The following ANO10 variants were observed in gnomAD, a reference collection of about 807,000 sequenced individuals.
ANO10 encodes the protein anoctamin-10.
ANO10 carries 77 observed loss-of-function variants against 74.7 expected under a neutral mutation model. The ratio of observed to expected loss-of-function variants is 1.03; its 90% CI spans 0.86 to 1.25. The LOEUF (loss-of-function observed/expected upper bound fraction) is 1.25, where lower values mean the gene tolerates loss of function less well. Ranked by LOEUF, ANO10 falls within the 50% of genes most tolerant of loss-of-function variation. ANO10 has a pLI of 0.00. For missense variants in ANO10, 721 were observed against 778.1 expected, an observed-to-expected ratio of 0.93 and a Z score of 0.87; for synonymous variants, 279 against 284.9, an observed-to-expected ratio of 0.98 and a Z score of 0.21.
intron 11 of ANO10, among the ~76,000 whole-genome samples, chr3:43,461,776 A>C (rs2075389058): frequency 6.6e-6 from 1 of 152,204 alleles, no homozygotes; most frequent in Non-Finnish European, 1.5e-5. Context: ...TGTCTTTATC[A>C]ACAGCATGAA....
At chr3:43,428,204 C>T (rs1254005443) in intron 12 of ANO10, among the ~76,000 whole-genome samples, 1 of 151,960 alleles carries the variant, frequency 6.6e-6, no homozygotes, top group Non-Finnish European at 1.5e-5. Context: ...TGTGTGCCAC[C>T]ATACCCAGCT....
intron 12 of ANO10, among the ~76,000 whole-genome samples, chr3:43,378,588 C>T (rs1256877644): frequency 2.6e-5 from 4 of 152,092 alleles, no homozygotes; most frequent in Non-Finnish European, 5.9e-5. Flanking sequence ...ATGAGTAAAA[C>T]AAAATTGATA....
At chr3:43,421,491 C>T (rs2092819181) in intron 12 of ANO10, among the ~76,000 whole-genome samples, 4 of 151,992 alleles carry the variant, frequency 2.6e-5, no homozygotes, top group Admixed American at 6.6e-5. Flanking sequence ...CACTGCATTC[C>T]AGCCTGGGTG....
At chr3:43,399,025 G>A (rs1440342489) in intron 12 of ANO10, among the ~76,000 whole-genome samples, 3 of 152,020 alleles carry the variant, frequency 2.0e-5, no homozygotes, top group African/African-American at 7.2e-5. Flanking sequence ...ATGGGGTTTC[G>A]CCATGTTGCC....
Position 43,667,945 on chromosome 3 carries a change from G to A in ANO10, c.-12+23572C>T, listed in dbSNP as rs530474428. Among the ~76,000 whole-genome samples the A allele has an allele frequency of 1.2e-4, 18 of 152,204 alleles. No individual in the cohort carries two copies. In the South Asian group the frequency reaches 3.7e-3, roughly 31 times the overall value. ...TATATAATGACTTATTTTCCTTTGGGTAGATACCCAGTAGTGGGATTGCTA... is the reference window on the plus strand; with the variant it reads ...TATATAATGACTTATTTTCCTTTGGATAGATACCCAGTAGTGGGATTGCTA... On this transcript the variant is annotated intron_variant, in intron 1 of 3. Coordinates refer to the ANO10 transcript ENST00000413397.
At chr3:43,683,064 T>A (rs1327519553) in intron 1 of ANO10, among the ~76,000 whole-genome samples, 1 of 152,128 alleles carries the variant, frequency 6.6e-6, no homozygotes, top group Non-Finnish European at 1.5e-5. Context: ...CAACACAGTG[T>A]TGGAAGTTCT....
In ANO10 at chr3:43,431,939, G is replaced by T. The variant is rs549652401; in HGVS notation, c.1914+672C>A. Among the ~76,000 whole-genome samples the T allele has an allele frequency of 1.8e-3, 275 of 152,168 alleles. 1 individual carries two copies. Among genetic ancestry groups the T allele is most frequent in the African/African-American group, 6.3e-3 (261 of 41,516 alleles). On this transcript the variant is annotated intron_variant, in intron 12 of 12. Transcript: ENST00000292246. ...CCAAAGAAGGAGTATGTGTCCAGGAGGTTCTGCCCAGAGCTTGTCCCCTCA... is the reference window on the plus strand; with the variant it reads ...CCAAAGAAGGAGTATGTGTCCAGGATGTTCTGCCCAGAGCTTGTCCCCTCA...
chr3:43,594,256 C>T (rs568763101), intron 4 of ANO10, among the ~76,000 whole-genome samples: 8 of 152,264 alleles, frequency 5.3e-5, no homozygotes, highest in South Asian at 4.1e-4. Context: ...CTCCACCAAG[C>T]GGACCTAATA....
chr3:43,388,604 C>T (rs1486334296), intron 12 of ANO10, among the ~76,000 whole-genome samples: 5 of 152,114 alleles, frequency 3.3e-5, no homozygotes, highest in Admixed American at 6.5e-5. Context: ...CTGATTTTTC[C>T]TAGGCTCTGA....
In ANO10 at chr3:43,679,717, G is replaced by T. The variant is rs112156748; in HGVS notation, c.-12+11800C>A. Among the ~76,000 whole-genome samples, 1,372 of 152,216 alleles carry T rather than the reference G, an allele frequency of 9.0e-3. 24 individuals carry two copies. Among genetic ancestry groups the T allele is most frequent in the African/African-American group, 0.031 (1,303 of 41,524 alleles). On this transcript the variant is annotated intron_variant, in intron 1 of 3. Coordinates refer to the ANO10 transcript ENST00000413397. Reference sequence around the variant, plus strand: ...GTAGGGGCAGACTGTCACTTCACACGGCCGGGTACTCCTCTGAGACAAAAC... The same window carrying T: ...GTAGGGGCAGACTGTCACTTCACACTGCCGGGTACTCCTCTGAGACAAAAC...
At chr3:43,653,895 T>G (rs368083315) in intron 1 of ANO10, among the ~76,000 whole-genome samples, 2 of 151,390 alleles carry the variant, frequency 1.3e-5, no homozygotes, top group Admixed American at 1.3e-4. Context: ...ACTTAATACA[T>G]GTCAGTGAGA....
At chr3:43,407,564 G>C (rs2092597937) in intron 12 of ANO10, among the ~76,000 whole-genome samples, 1 of 152,144 alleles carries the variant, frequency 6.6e-6, no homozygotes. Context: ...ATGCAAATAT[G>C]GGATCACCAG....
At chr3:43,508,894 G>A (rs1490736547) in intron 11 of ANO10, among the ~76,000 whole-genome samples, 27 of 145,466 alleles carry the variant, frequency 1.9e-4, no homozygotes, top group African/African-American at 6.9e-4. Context: ...GTATACATAT[G>A]TAACAAACCT....
At chr3:43,410,328 G>A (rs1388710668) in intron 12 of ANO10, among the ~76,000 whole-genome samples, 1 of 152,008 alleles carries the variant, frequency 6.6e-6, no homozygotes, top group Non-Finnish European at 1.5e-5. Context: ...ATAGCTCACG[G>A]CATCCTTGAA....
intron 12 of ANO10, among the ~76,000 whole-genome samples, chr3:43,368,987 G>C (rs2091509600): frequency 6.6e-6 from 1 of 152,254 alleles, no homozygotes; most frequent in Non-Finnish European, 1.5e-5. Context: ...AGGCATGGTG[G>C]CTGGAAGCCC....
rs61457264 is a variant in ANO10, at chr3:43,614,801, A to ATATATATG, written c.-12+7107_-12+7108insCATATATA. 6.3e-3 allele frequency among the ~76,000 whole-genome samples: 629 copies of ATATATATG among 99,366 alleles called. 76 individuals carry two copies. Among genetic ancestry groups the ATATATATG allele is most frequent in the East Asian group, 0.06 (146 of 2,430 alleles). 65.2% of individuals were successfully genotyped at this position (99,366 alleles called of 152,430 possible). On this transcript the variant is annotated intron_variant, in intron 1 of 12. Transcript: ENST00000292246. Reference sequence around the variant, plus strand: ...TATATATATATATATATATATATATATAGGTTCATTACAGTTTTTTATGGA... The same window carrying ATATATATG: ...TATATATATATATATATATATATATATATATATGTAGGTTCATTACAGTTTTTTATGGA...
intron 1 of ANO10, among the ~76,000 whole-genome samples, chr3:43,641,797 T>A (rs1309082777): frequency 6.6e-6 from 1 of 152,194 alleles, no homozygotes; most frequent in African/African-American, 2.4e-5. Flanking sequence ...TTGTTTCATC[T>A]TCAGAATGGA....
At chr3:43,375,732 G>C (rs888385204) in intron 12 of ANO10, among the ~76,000 whole-genome samples, 7 of 152,160 alleles carry the variant, frequency 4.6e-5, no homozygotes, top group African/African-American at 1.4e-4. Context: ...CTGGACTCCA[G>C]AGTCAGAGAG....
chr3:43,428,796 CAAAAAA>C (rs56213626), intron 12 of ANO10, among the ~76,000 whole-genome samples: 1 of 55,424 alleles, frequency 1.8e-5, no homozygotes, highest in African/African-American at 6.7e-5. Context: ...TTTGTGAATG[CAAAAAA>C]AAAAAAAAAA....
Sources: gnomAD v4.1 joint callset for allele counts (sites outside exome capture counted in the v4.1 genomes callset) on GRCh38, gnomAD v4.1.1 for gene constraint, MANE v1.5 for transcripts, NCBI Gene and HGNC (gene_info 2026-07-23, HGNC 2026-07-21) for gene names.